HYCC1: variants seen among roughly 807,000 people sequenced by gnomAD.
HYCC1 encodes the protein hyccin PI4KA lipid kinase complex subunit 1.
the HYCC1 span, among the ~76,000 whole-genome samples, chr7:22,961,980 C>T: frequency 6.6e-6 from 1 of 151,848 alleles, no homozygotes; most frequent in African/African-American, 2.4e-5. Context: ...GATCAACTTC[C>T]AACAAAATAA....
the HYCC1 span, among the ~76,000 whole-genome samples, chr7:22,898,589 CTTTTCTTTTCTTTTCTTT>C: frequency 1.8e-5 from 1 of 56,636 alleles, no homozygotes; most frequent in Non-Finnish European, 3.8e-5. Flanking sequence ...CTTTTCTTTT[CTTTTCTTTTCTTTTCTTT>C]TTTTTTTTTT....
the HYCC1 span, among the ~76,000 whole-genome samples, chr7:23,000,116 A>C: frequency 6.6e-6 from 1 of 152,118 alleles, no homozygotes; most frequent in Admixed American, 6.6e-5. Context: ...GATTTTTTTA[A>C]ATGGCCACAC....
chr7:22,976,422 T>TGTTTCTC, the HYCC1 span: 1 of 734,142 alleles, frequency 1.4e-6, no homozygotes, highest in Non-Finnish European at 2.3e-6. Flanking sequence ...ACCTGCACAG[T>TGTTTCTC]ATAAGCACAC....
At chr7:22,931,657 T>C in the HYCC1 span, among the ~76,000 whole-genome samples, 1 of 152,062 alleles carries the variant, frequency 6.6e-6, no homozygotes, top group East Asian at 1.9e-4. Context: ...TTTCTATCAC[T>C]TTAGGTAACA....
chr7:22,998,931 T>C, the HYCC1 span, among the ~76,000 whole-genome samples: 3 of 152,320 alleles, frequency 2.0e-5, no homozygotes, highest in East Asian at 5.8e-4. Context: ...CACTCCAGGC[T>C]CCATGTCTTT....
chr7:22,916,056 C>T, the HYCC1 span, among the ~76,000 whole-genome samples: 3 of 152,090 alleles, frequency 2.0e-5, no homozygotes, highest in African/African-American at 7.2e-5. Context: ...CCTTACCATC[C>T]CATTAAAACC....
the HYCC1 span, among the ~76,000 whole-genome samples, chr7:22,959,989 T>C: frequency 6.6e-6 from 1 of 152,342 alleles, no homozygotes; most frequent in East Asian, 1.9e-4. Context: ...AATTTTAAAA[T>C]GCATTTTCCT....
At chr7:22,941,464 T>A in the HYCC1 span, 1 of 152,214 alleles carries the variant, frequency 6.6e-6, no homozygotes, top group East Asian at 1.9e-4. Context: ...GGAATACAAT[T>A]AGAAACAAAT....
At chr7:22,995,552 C>A in the HYCC1 span, among the ~76,000 whole-genome samples, 1 of 152,074 alleles carries the variant, frequency 6.6e-6, no homozygotes, top group Non-Finnish European at 1.5e-5. Flanking sequence ...TGAAAGAACA[C>A]CCAATGGCCA....
the HYCC1 span, among the ~76,000 whole-genome samples, chr7:22,932,273 T>C: frequency 6.6e-6 from 1 of 152,104 alleles, no homozygotes; most frequent in Non-Finnish European, 1.5e-5. Flanking sequence ...CAGCCTGTAC[T>C]AAAAGGGGTA....
chr7:22,946,615 A>G, the HYCC1 span, among the ~76,000 whole-genome samples: 7 of 152,114 alleles, frequency 4.6e-5, no homozygotes, highest in African/African-American at 1.7e-4. Context: ...AGATTATTTT[A>G]TCAAATTAAA....
At chr7:22,932,801 C>A in the HYCC1 span, among the ~76,000 whole-genome samples, 1 of 152,004 alleles carries the variant, frequency 6.6e-6, no homozygotes, top group Non-Finnish European at 1.5e-5. Context: ...ATGATGATCC[C>A]CCAAAACACA....
At chr7:22,925,029 C>T in the HYCC1 span, among the ~76,000 whole-genome samples, 98,372 of 151,950 alleles carry the variant, frequency 0.65, 31,814 homozygotes, top group Non-Finnish European at 0.66. Context: ...CTCACCAATA[C>T]CAGCTGTTCT....
chr7:22,930,635 C>T, the HYCC1 span, among the ~76,000 whole-genome samples: 3 of 152,098 alleles, frequency 2.0e-5, no homozygotes, highest in East Asian at 1.9e-4. Flanking sequence ...ATTACCCTGA[C>T]ACAAGGCCAG....
the HYCC1 span, among the ~76,000 whole-genome samples, chr7:22,959,820 A>G: frequency 6.6e-6 from 1 of 152,184 alleles, no homozygotes; most frequent in Admixed American, 6.5e-5. Context: ...ACACTATGGC[A>G]TTCTTTACCA....
At chr7:22,940,036 T>TA in the HYCC1 span, 1 of 152,164 alleles carries the variant, frequency 6.6e-6, no homozygotes, top group African/African-American at 2.4e-5. Context: ...CTACTGGAGT[T>TA]ACTGGAAGAG....
chr7:22,939,301 T>C, the HYCC1 span: 1 of 152,046 alleles, frequency 6.6e-6, no homozygotes, highest in Non-Finnish European at 1.5e-5. Context: ...TTTCAGAGGG[T>C]ATGAGATACA....
the HYCC1 span, among the ~76,000 whole-genome samples, chr7:23,013,126 CGG>C: frequency 6.6e-6 from 1 of 152,218 alleles, no homozygotes; most frequent in Non-Finnish European, 1.5e-5. Flanking sequence ...TGCAAGCTGA[CGG>C]GCAGACAGCA....
the HYCC1 span, among the ~76,000 whole-genome samples, chr7:22,987,109 T>C: frequency 2.6e-5 from 4 of 152,224 alleles, no homozygotes; most frequent in Non-Finnish European, 5.9e-5. Flanking sequence ...GGAAATCTGC[T>C]AGATAAATCT....
Sources: allele counts gnomAD v4.1 joint callset (sites outside exome capture counted in the v4.1 genomes callset), GRCh38; gene constraint gnomAD v4.1.1; transcripts MANE v1.5; gene names NCBI Gene and HGNC (gene_info 2026-07-23, HGNC 2026-07-21).